Variants in EYS observed in about 807,000 individuals in gnomAD.
The protein encoded by EYS is EGF-like photoreceptor maintenance factor, also known as protein eyes shut homolog.
EYS carries 250 observed loss-of-function variants against 282.1 expected under a neutral mutation model. That is an observed-to-expected ratio of 0.89 (90% CI 0.80 to 0.98). The LOEUF is 0.98. EYS is among the 50% of genes least tolerant of loss of function. EYS has a pLI of 0.00. For synonymous variants in EYS, 1,355 were observed against 1,282.9 expected (o/e 1.06, Z -1.20); for missense variants, 4,016 against 3,709.0 (o/e 1.08, Z -2.15).
intron 31 of EYS, among the ~76,000 whole-genome samples, chr6:64,151,363 A>ATATATATATATTTATATAT (rs1491135650): frequency 1.6e-5 from 1 of 62,854 alleles, no homozygotes; most frequent in African/African-American, 7.1e-5. Context: ...ATATATATAT[A>ATATATATATATTTATATAT]ATTTTTTTTT....
At chr6:64,853,161 A>T (rs556537695) in intron 19 of EYS, among the ~76,000 whole-genome samples, 1 of 152,272 alleles carries the variant, frequency 6.6e-6, no homozygotes, top group East Asian at 1.9e-4. Flanking sequence ...ACAACATATT[A>T]TAAGTTTTAA....
In EYS at chr6:64,418,218, C is replaced by G. The variant is rs557548080; in HGVS notation, c.5927+17956G>C. The stretch of plus-strand genomic sequence containing the variant: ...CATACTGTAGCTATCTACGTAACAC[C>G]TTGTTTAAAAAAAAATAACTCTCTG... On this transcript the variant is annotated intron_variant, in intron 28 of 42. Transcript: ENST00000503581. Among the ~76,000 whole-genome samples, 4 of 152,022 alleles carry G rather than the reference C, an allele frequency of 2.6e-5. No homozygotes were observed. In the South Asian group the frequency reaches 8.3e-4, roughly 32 times the overall value.
intron 1 of EYS, among the ~76,000 whole-genome samples, chr6:65,681,904 C>T (rs1370423629): frequency 6.6e-6 from 1 of 151,904 alleles, no homozygotes; most frequent in Non-Finnish European, 1.5e-5. Flanking sequence ...AGTGCCTCTA[C>T]CTGTCAAGCT....
Position 64,569,666 on chromosome 6 carries a change from G to A in EYS, c.5644+20557C>T, listed in dbSNP as rs1383741972. 2.0e-5 allele frequency among the ~76,000 whole-genome samples: 3 copies of A among 151,968 alleles called. 1 individual carries two copies. In the South Asian group the frequency reaches 6.2e-4, roughly 32 times the overall value. On this transcript the variant is annotated intron_variant, in intron 26 of 42. Transcript: ENST00000503581. ...TGAGGCAGGAGAATTGCGTGAACCC[G>A]GGAGGCGGAGCTTGCAGTGAGCAGA...
intron 8 of EYS, among the ~76,000 whole-genome samples, chr6:65,376,021 G>A (rs944803856): frequency 6.6e-6 from 1 of 152,060 alleles, no homozygotes; most frequent in Non-Finnish European, 1.5e-5. Context: ...CAGAAATACA[G>A]AGAATGCCAC....
At chr6:64,252,218 TCTCAC>T (rs981918465) in intron 30 of EYS, among the ~76,000 whole-genome samples, 10 of 152,192 alleles carry the variant, frequency 6.6e-5, no homozygotes, top group Admixed American at 1.3e-4. Context: ...GCCCCTGAGC[TCTCAC>T]CCTCTGCACT....
rs1287062450 is a variant in EYS at position 63,958,292 on chromosome 6, C to T, written c.7055+26091G>A. ...GAACAGATATATACTCTACAAGTGA[C>T]AAAAGAGAAAAAATAATATAAATAC... On this transcript the variant is annotated intron_variant, in intron 35 of 42. Coordinates refer to ENST00000503581, the MANE Select transcript of EYS (RefSeq NM_001142800.2). 1.4e-5 allele frequency among the ~76,000 whole-genome samples: 2 copies of T among 139,064 alleles called. 1 individual carries two copies. Among genetic ancestry groups the T allele is most frequent in the African/African-American group, 4.9e-5 (2 of 40,588 alleles). 91.2% of individuals were successfully genotyped at this position (139,064 alleles called of 152,430 possible).
chr6:63,864,818 C>A (rs1313744657), intron 35 of EYS, among the ~76,000 whole-genome samples: 1 of 152,188 alleles, frequency 6.6e-6, no homozygotes, highest in Non-Finnish European at 1.5e-5. Flanking sequence ...TGTAGTAATT[C>A]TGAAAATAAG....
At chr6:64,583,820 A>C (rs1766148448) in intron 26 of EYS, among the ~76,000 whole-genome samples, 2 of 152,062 alleles carry the variant, frequency 1.3e-5, no homozygotes, top group African/African-American at 2.4e-5. Flanking sequence ...GATTAATTCC[A>C]CTCAATTTTT....
chr6:65,288,892 G>C (rs1768444851), intron 12 of EYS, among the ~76,000 whole-genome samples: 1 of 151,018 alleles, frequency 6.6e-6, no homozygotes. Flanking sequence ...CTAATTAAAA[G>C]TATTGCAATC....
At chr6:64,949,360 T>C (rs1389178874) in intron 14 of EYS, among the ~76,000 whole-genome samples, 1 of 151,902 alleles carries the variant, frequency 6.6e-6, no homozygotes, top group Non-Finnish European at 1.5e-5. Flanking sequence ...AGAATTCATT[T>C]CATTCTGCCT....
At chr6:63,848,287 G>A (rs1416855323) in intron 36 of EYS, among the ~76,000 whole-genome samples, 1 of 151,996 alleles carries the variant, frequency 6.6e-6, no homozygotes, top group Non-Finnish European at 1.5e-5. Context: ...ATCTCTGTTA[G>A]TATGAGCTTA....
intron 21 of EYS, among the ~76,000 whole-genome samples, chr6:64,816,275 T>C (rs1274186056): frequency 6.6e-6 from 1 of 152,106 alleles, no homozygotes. Context: ...GAATAAAAAC[T>C]GCTAGTGTAG....
At chr6:64,463,631 A>T (rs1325443808) in intron 26 of EYS, among the ~76,000 whole-genome samples, 1 of 152,222 alleles carries the variant, frequency 6.6e-6, no homozygotes, top group African/African-American at 2.4e-5. Flanking sequence ...AACTTAGTGG[A>T]AAATATAAGA....
intron 12 of EYS, among the ~76,000 whole-genome samples, chr6:65,157,876 G>A (rs2839912): frequency 0.011 from 1,641 of 150,466 alleles, 28 homozygotes; most frequent in African/African-American, 0.038. Flanking sequence ...TGTCATTAAG[G>A]TACTGTTCTT....
chr6:65,443,066 G>T (rs1310831507), intron 5 of EYS, among the ~76,000 whole-genome samples: 4 of 151,460 alleles, frequency 2.6e-5, no homozygotes, highest in Non-Finnish European at 5.9e-5. Context: ...GCATATATGT[G>T]ATATGTATGT....
intron 12 of EYS, among the ~76,000 whole-genome samples, chr6:65,190,846 C>A (rs1429101980): frequency 2.0e-5 from 3 of 151,732 alleles, no homozygotes; most frequent in African/African-American, 4.8e-5. Flanking sequence ...CTAATCAGGG[C>A]AAGACATGCA....
At chr6:64,572,896 T>C (rs999629979) in intron 26 of EYS, among the ~76,000 whole-genome samples, 3 of 151,576 alleles carry the variant, frequency 2.0e-5, no homozygotes, top group African/African-American at 4.8e-5. Flanking sequence ...ACTGTTGACT[T>C]TCTTTACAAA....
chr6:64,193,653 C>T (rs1348890365), intron 31 of EYS, among the ~76,000 whole-genome samples: 2 of 151,940 alleles, frequency 1.3e-5, no homozygotes, highest in South Asian at 2.1e-4. Context: ...CTCCTCCCTA[C>T]CCCCACCCAA....
Sources: allele counts gnomAD v4.1 joint callset (sites outside exome capture counted in the v4.1 genomes callset), GRCh38; gene constraint gnomAD v4.1.1; transcripts MANE v1.5; gene names NCBI Gene and HGNC (gene_info 2026-07-23, HGNC 2026-07-21).